The following PLA2G4E variants were observed in gnomAD, a reference collection of about 807,000 sequenced individuals.
PLA2G4E encodes phospholipase A2 group IVE.
Under a neutral mutation model 109.1 loss-of-function variants are expected in PLA2G4E, and 84 were observed. The observed-to-expected ratio is 0.77, with a 90% CI of 0.65 to 0.92. The LOEUF (loss-of-function observed/expected upper bound fraction) is 0.92. Ranked by LOEUF, PLA2G4E falls within the 40% of genes least tolerant of loss-of-function variation. The pLI, the probability that PLA2G4E is intolerant of heterozygous loss-of-function variation, is 0.00. For synonymous variants in PLA2G4E, 469 were observed against 436.1 expected, an observed-to-expected ratio of 1.08 and a Z score of -0.94; for missense variants, 1,057 against 1,076.6, an observed-to-expected ratio of 0.98 and a Z score of 0.25.
At chr15:41,989,956 G>A (rs2097267007) in intron 14 of PLA2G4E, among the ~76,000 whole-genome samples, 165 bp downstream of exon 14, 1 of 152,230 alleles carries the variant, frequency 6.6e-6, no homozygotes, top group Admixed American at 6.5e-5. Flanking sequence ...ATGCAGCAGG[G>A]CAGATTGGGG....
intron 1 of PLA2G4E, among the ~76,000 whole-genome samples, chr15:42,023,766 C>T (rs575686757): frequency 9.2e-5 from 14 of 152,280 alleles, no homozygotes; most frequent in Non-Finnish European, 1.6e-4. Flanking sequence ...ACTGAAGAAG[C>T]CCAGCCACAA....
At chr15:42,039,825 G>A (rs954025152) in intron 1 of PLA2G4E, among the ~76,000 whole-genome samples, 15 of 152,024 alleles carry the variant, frequency 9.9e-5, no homozygotes, top group Admixed American at 2.6e-4. Context: ...TACATACCTT[G>A]TTCTTAAATG....
At chr15:41,999,991 G>C (rs191061819) in exon 9 of PLA2G4E, 3 of 1,608,160 alleles carry the variant, frequency 1.9e-6, no homozygotes, top group Non-Finnish European at 2.5e-6. Context: ...TTGCGAGAGC[G>C]GCAGCAAAGC....
At chr15:42,025,580 T>G (rs2068687012) in intron 1 of PLA2G4E, among the ~76,000 whole-genome samples, 1 of 152,194 alleles carries the variant, frequency 6.6e-6, no homozygotes, top group South Asian at 2.1e-4. Flanking sequence ...AATGTTTTAC[T>G]GGGACCCATT....
chr15:42,006,363 A>T (rs2068477028), intron 3 of PLA2G4E, among the ~76,000 whole-genome samples: 2 of 152,136 alleles, frequency 1.3e-5, no homozygotes, highest in Admixed American at 1.3e-4. Flanking sequence ...TTCCTGCTAG[A>T]GAATTTTGCC....
intron 2 of PLA2G4E, chr15:42,009,173 T>C (rs1381824919): frequency 3.3e-5 from 5 of 152,166 alleles, no homozygotes; most frequent in Admixed American, 6.5e-5. Context: ...AAAAGAATGA[T>C]TGAAACCCAA....
chr15:42,040,021 C>A (rs1010694525), intron 1 of PLA2G4E, among the ~76,000 whole-genome samples: 6 of 152,160 alleles, frequency 3.9e-5, no homozygotes, highest in African/African-American at 1.4e-4. Flanking sequence ...AAAACTAATT[C>A]TATCAATAAA....
chr15:42,004,971 T>C, exon 5 of PLA2G4E: 1 of 1,613,098 alleles, frequency 6.2e-7, no homozygotes, highest in Non-Finnish European at 8.5e-7. Context: ...CTCCAGCTCT[T>C]CCATGCCCTG....
chr15:41,999,202 A>G (rs1227810799), intron 10 of PLA2G4E: 1 of 230,186 alleles, frequency 4.3e-6, no homozygotes, highest in Non-Finnish European at 8.5e-6. Context: ...GCTTCAAAGG[A>G]CACCAACAAG....
chr15:42,032,370 G>T (rs974135950), intron 1 of PLA2G4E, among the ~76,000 whole-genome samples: 2 of 152,208 alleles, frequency 1.3e-5, no homozygotes, highest in Non-Finnish European at 2.9e-5. Flanking sequence ...CCGGAGTCAA[G>T]GGTCCCTGCC....
rs187014574 is a variant in PLA2G4E, at chr15:42,047,699, C to T, written c.183+2822G>A. Among the ~76,000 whole-genome samples, 545 of 152,294 alleles carry T rather than the reference C, an allele frequency of 3.6e-3. 2 individuals are homozygous for T. Among genetic ancestry groups the T allele is most frequent in the Middle Eastern group, 0.017 (5 of 294 alleles). On this transcript the variant is annotated intron_variant, in intron 1 of 19. Coordinates refer to ENST00000399518, the Ensembl canonical transcript of PLA2G4E. ...CAAGCCTACATGTCCCCCATTCATA[C>T]ATATATACACACCCTCTTGCAGAGC...
At chr15:42,021,987 A>C (rs952646683) in intron 1 of PLA2G4E, among the ~76,000 whole-genome samples, 2 of 152,186 alleles carry the variant, frequency 1.3e-5, no homozygotes, top group Admixed American at 1.3e-4. Context: ...GAGGGGCCTT[A>C]GCCTGCTGCT....
chr15:42,004,418 A>AAGGCAGGC (rs10672361), intron 5 of PLA2G4E, among the ~76,000 whole-genome samples: 11 of 151,084 alleles, frequency 7.3e-5, no homozygotes, highest in Non-Finnish European at 1.2e-4. Flanking sequence ...AGAAGGAAGG[A>AAGGCAGGC]AGGCAGGCAG....
chr15:41,982,866 A>G (rs1704347), exon 20 of PLA2G4E: 62,812 of 152,102 alleles, frequency 0.41, 14,973 homozygotes, highest in African/African-American at 0.65. Context: ...CCGGCCACCT[A>G]TTTGGCTTTG....
chr15:42,022,175 G>A (rs548712430), intron 1 of PLA2G4E, among the ~76,000 whole-genome samples: 1 of 152,322 alleles, frequency 6.6e-6, no homozygotes, highest in South Asian at 2.1e-4. Context: ...AGTCTGGCTG[G>A]AGAGCCAGAT....
chr15:41,990,091 C>T lies in PLA2G4E; in HGVS notation c.1585+30G>A, dbSNP rs369086092. The T allele has an allele frequency of 9.9e-5, 157 of 1,587,230 alleles. 1 individual carries two copies. Among genetic ancestry groups the T allele is most frequent in the Middle Eastern group, 2.1e-4 (1 of 4,732 alleles). ...CACCAAGAAGTCCCCCCCTCCACCC[C>T]ACTTGTAAATCACCAGCCACTGGTG... On this transcript the variant is annotated intron_variant, in intron 14 of 19. Coordinates refer to ENST00000399518, the Ensembl canonical transcript of PLA2G4E.
intron 13 of PLA2G4E, among the ~76,000 whole-genome samples, chr15:41,991,265 C>T (rs761221166): frequency 6.6e-6 from 1 of 152,220 alleles, no homozygotes; most frequent in Non-Finnish European, 1.5e-5. Context: ...TCCCACCAAA[C>T]CCCCAGAATG....
intron 1 of PLA2G4E, among the ~76,000 whole-genome samples, chr15:42,030,635 C>T (rs1889096883): frequency 6.6e-6 from 1 of 152,190 alleles, no homozygotes; most frequent in Non-Finnish European, 1.5e-5. Flanking sequence ...CTTCACTTTG[C>T]CTCTGGCCAT....
At chr15:42,005,647 G>A (rs2068468026) in intron 4 of PLA2G4E, among the ~76,000 whole-genome samples, 1 of 152,228 alleles carries the variant, frequency 6.6e-6, no homozygotes, top group Non-Finnish European at 1.5e-5. Flanking sequence ...GGGACTCTGA[G>A]GGAAGAAAAG....
Sources: gnomAD v4.1 joint callset for allele counts (sites outside exome capture counted in the v4.1 genomes callset) on GRCh38, gnomAD v4.1.1 for gene constraint, MANE v1.5 for transcripts, NCBI Gene and HGNC (gene_info 2026-07-23, HGNC 2026-07-21) for gene names.